ZNF558: variants seen among roughly 807,000 people sequenced by gnomAD.
ZNF558 encodes zinc finger protein 558.
Under a neutral mutation model 37.6 loss-of-function variants are expected in ZNF558, and 23 were observed. The ratio of observed to expected loss-of-function variants is 0.61; its 90% CI spans 0.44 to 0.87. The LOEUF is 0.87. ZNF558 is among the 40% of genes least tolerant of loss of function. The pLI is 0.00. For missense variants in ZNF558, 429 were observed against 483.7 expected (o/e 0.89, Z 1.06); for synonymous variants, 189 against 174.4 (o/e 1.08, Z -0.66).
chr19:8,822,544 C>G lies in ZNF558; in HGVS notation c.31+85G>C. ...GGGCTCCACTCCTGCCTCACCTGCT[C>G]TGCCCAACCCCGCTCGTGTCCCATG... On this transcript the variant is annotated intron_variant, in intron 5 of 9. Coordinates refer to ENST00000601372, the MANE Select transcript of ZNF558 (RefSeq NM_144693.3). The surrounding 1 kb of genome is among the most constrained non-coding windows in gnomAD (Gnocchi z 4.4). 1 of 1,594,664 alleles carries G rather than the reference C, an allele frequency of 6.3e-7. No homozygotes were observed. Among genetic ancestry groups the G allele is most frequent in the South Asian group, 1.1e-5 (1 of 90,336 alleles).
Position 8,807,199 on chromosome 19 carries a change from G to A in ZNF558, c.*4082C>T, listed in dbSNP as rs2043710637. On this transcript the variant is annotated 3_prime_UTR_variant, in exon 10 of 10. Transcript: ENST00000601372. ...TGCTATCGCTGACTGACCTCTCTCAGCTCCTGGAATGCAGCCCTCTCCTCT... is the reference window on the plus strand; with the variant it reads ...TGCTATCGCTGACTGACCTCTCTCAACTCCTGGAATGCAGCCCTCTCCTCT... 1 of 152,290 alleles carries A rather than the reference G, an allele frequency of 6.6e-6. No homozygotes were observed. Among genetic ancestry groups the A allele is most frequent in the South Asian group, 2.1e-4 (1 of 4,832 alleles). 9.4% of individuals were successfully genotyped at this position (152,290 alleles called of 1,614,324 possible).
rs1311903326 is a variant in ZNF558 at position 8,810,640 on chromosome 19, T to C, written c.*641A>G. The C allele has an allele frequency of 6.6e-6, 1 of 152,302 alleles. No individual in the cohort carries two copies. Among genetic ancestry groups the C allele is most frequent in the African/African-American group, 2.4e-5 (1 of 41,474 alleles). The allele number at this position is 152,302 out of a possible 1,614,324, so 9.4% of individuals were successfully genotyped here. A position where few individuals can be genotyped will look rare whatever the true frequency, so the allele number is the denominator to read the frequency against. Reference sequence around the variant, plus strand: ...TGATTAGAGTAGAAGGATGATGTGCTGAGGGCTTTTCTTCATTAATTCCAT... The same window carrying C: ...TGATTAGAGTAGAAGGATGATGTGCCGAGGGCTTTTCTTCATTAATTCCAT... On this transcript the variant is annotated 3_prime_UTR_variant, in exon 10 of 10. Coordinates refer to ENST00000601372, the MANE Select transcript of ZNF558 (RefSeq NM_144693.3).
At chr19:8,832,129 G>A (rs1482263521) in intron 1 of ZNF558, 80 bp downstream of exon 1, 1 of 152,254 alleles carries the variant, frequency 6.6e-6, no homozygotes, top group African/African-American at 2.4e-5. Flanking sequence ...TCCCTGGAGG[G>A]ACGCAGGGCC....
rs547479993 is a variant in ZNF558, at chr19:8,813,299, T to C, written c.248-77A>G. On this transcript the variant is annotated intron_variant, in intron 7 of 9. Transcript: ENST00000601372. ...AAGTCCATGAAAGAAAGCCAACATT[T>C]ATGAAGATGGAAAAGTGTGACTTTA... is the stretch of plus-strand genomic sequence containing the variant. 1.3e-5 allele frequency: 15 copies of C among 1,127,692 alleles called. No individual in the cohort carries two copies. The African/African-American group carries it at 2.2e-4, about 16-fold the overall frequency. The allele number at this position is 1,127,692 out of a possible 1,614,324, so 69.9% of individuals were successfully genotyped here.
chr19:8,817,314 T>C (rs2043963329), intron 7 of ZNF558, among the ~76,000 whole-genome samples: 1 of 152,152 alleles, frequency 6.6e-6, no homozygotes, highest in Non-Finnish European at 1.5e-5. Context: ...ACGCATTCAG[T>C]AGAAAGCACA....
At chr19:8,821,948 G>T in intron 6 of ZNF558, 55 bp downstream of exon 6, 1 of 1,607,952 alleles carries the variant, frequency 6.2e-7, no homozygotes, top group Non-Finnish European at 8.5e-7. Flanking sequence ...AAGGTATCAA[G>T]TCCAACCTTC....
At chr19:8,818,205 G>C (rs1419924357) in intron 7 of ZNF558, among the ~76,000 whole-genome samples, 1 of 152,178 alleles carries the variant, frequency 6.6e-6, no homozygotes, top group Non-Finnish European at 1.5e-5. Context: ...TGAAATCCCA[G>C]CACTTTGGGA....
rs1311496527 is a variant in ZNF558 at position 8,813,235 on chromosome 19, A to C, written c.248-13T>G. The C allele has an allele frequency of 1.9e-6, 3 of 1,569,246 alleles. No individual in the cohort carries two copies. In the Admixed American group the frequency reaches 5.6e-5, roughly 29 times the overall value. On this transcript the variant is annotated splice_polypyrimidine_tract_variant and intron_variant, in intron 7 of 9. Transcript: ENST00000601372. ...TTAACACGACACCCTATTTATGGAA[A>C]CAATACACATGATATAGGTAACAGT...
chr19:8,818,313 G>A (rs183037497), intron 7 of ZNF558, among the ~76,000 whole-genome samples: 6 of 152,172 alleles, frequency 3.9e-5, no homozygotes, highest in East Asian at 1.9e-4. Context: ...TTAGCTGGGC[G>A]TGGTGGTGCG....
At chr19:8,833,322 G>A (rs1474036884), upstream of ZNF558, 1 of 152,198 alleles carries the variant, frequency 6.6e-6, no homozygotes, top group African/African-American at 2.4e-5. Flanking sequence ...GAGTTTAGGG[G>A]AGCAGGAGAG....
At chr19:8,835,840 T>A (rs1485338390), upstream of ZNF558, among the ~76,000 whole-genome samples, 2 of 152,210 alleles carry the variant, frequency 1.3e-5, no homozygotes, top group East Asian at 3.8e-4. Flanking sequence ...TTATTATTCA[T>A]CCATTAAACA....
Position 8,809,219 on chromosome 19 carries a change from C to T in ZNF558, c.*2062G>A, listed in dbSNP as rs1258241257. ...TTCTGTCATTGTGGTCAAAAAGAAGCTCTTCAAACTCTAGACCTTGAGGCC... is the reference window on the plus strand; with the variant it reads ...TTCTGTCATTGTGGTCAAAAAGAAGTTCTTCAAACTCTAGACCTTGAGGCC... On this transcript the variant is annotated 3_prime_UTR_variant, in exon 10 of 10. Transcript: ENST00000601372. 1 of 152,154 alleles carries T rather than the reference C, an allele frequency of 6.6e-6. No homozygotes were observed. The highest frequency in any genetic ancestry group is 1.9e-4 in the East Asian group (1 of 5,198). The allele number at this position is 152,154 out of a possible 1,614,324, so 9.4% of individuals were successfully genotyped here.
In ZNF558 at chr19:8,806,194, G is replaced by A. The variant is rs2043702638; in HGVS notation, c.*5087C>T. On this transcript the variant is annotated 3_prime_UTR_variant, in exon 10 of 10. Coordinates refer to ENST00000601372, the MANE Select transcript of ZNF558 (RefSeq NM_144693.3). ...GTGTTTTTAAAAGCATTTTATTTTG[G>A]AAAGTTTAGATATACATAAAAGTTG... 6.6e-6 allele frequency: 1 copy of A among 152,070 alleles called. No homozygotes were observed. The highest frequency in any genetic ancestry group is 1.5e-5 in the Non-Finnish European group (1 of 68,018). 9.4% of individuals were successfully genotyped at this position (152,070 alleles called of 1,614,324 possible).
rs567007993 is a variant in ZNF558, at chr19:8,811,215, C to T, written c.*66G>A. 10 of 1,453,890 alleles carry T rather than the reference C, an allele frequency of 6.9e-6. No individual in the cohort carries two copies. The highest frequency in any genetic ancestry group is 1.4e-5 in the South Asian group (1 of 70,740). 90.1% of individuals were successfully genotyped at this position (1,453,890 alleles called of 1,614,324 possible). A position where few individuals can be genotyped will look rare whatever the true frequency, so the allele number is the denominator to read the frequency against. On this transcript the variant is annotated 3_prime_UTR_variant, in exon 10 of 10. Transcript: ENST00000601372. ...AAATAACTTATATATCCAGTGTGAG[C>T]TCTCTCAAACTATCTTAGGGATGAA...
chr19:8,821,737 C>T lies in ZNF558; in HGVS notation c.120+266G>A, dbSNP rs2044097253. The T allele has an allele frequency of 3.0e-6, 4 of 1,326,008 alleles. No homozygotes were observed. The African/African-American group carries it at 4.4e-5, about 15-fold the overall frequency. 82.1% of individuals were successfully genotyped at this position (1,326,008 alleles called of 1,614,324 possible). ...GTTTATTAATTGCTTGGGTTTAGAA[C>T]ATCATCACGTCTTTACTTGGCTTTC... On this transcript the variant is annotated intron_variant, in intron 6 of 9. Transcript: ENST00000601372.
At position 8,811,940 on chromosome 19, in the gene ZNF558, G is replaced by A. The variant is rs371672174; in HGVS notation, c.550C>T (p.Gln184Ter). Residue 184 changes from glutamine (Q) to a stop codon, truncating the protein, a stop_gained, in exon 10 of 10, where the codon CAA becomes TAA. Transcript: ENST00000601372. LOFTEE classifies it high-confidence loss of function. The part of the protein sequence containing the change: ...HTGEKPYDCS[Q>*]CGKSFSSRSY... Reference sequence around the variant, plus strand: ...CTGCTACTGAAGGACTTCCCACATTGACTACAGTCATAGGGTTTTTCTCCA... The same window carrying A: ...CTGCTACTGAAGGACTTCCCACATTAACTACAGTCATAGGGTTTTTCTCCA... The A allele has an allele frequency of 2.5e-6, 4 of 1,613,836 alleles. No homozygotes were observed. The highest frequency in any genetic ancestry group is 3.4e-6 in the Non-Finnish European group (4 of 1,179,984).
the ZNF558 span, among the ~76,000 whole-genome samples, chr19:8,837,516 G>A: frequency 1.4e-4 from 22 of 152,140 alleles, no homozygotes; most frequent in East Asian, 7.7e-4. Context: ...TCCAGGGCTC[G>A]ACAACCACTT....
upstream of ZNF558, among the ~76,000 whole-genome samples, chr19:8,834,198 G>A (rs1184011875): frequency 2.6e-5 from 4 of 152,226 alleles, no homozygotes; most frequent in Non-Finnish European, 5.9e-5. Flanking sequence ...TCAGGTGGCT[G>A]AAGGAAGTTT....
chr19:8,811,932 C>T lies in ZNF558; in HGVS notation c.558G>A (p.Gly186=). 1 of 1,614,066 alleles carries T rather than the reference C, an allele frequency of 6.2e-7. No individual in the cohort carries two copies. Among genetic ancestry groups the T allele is most frequent in the South Asian group, 1.1e-5 (1 of 91,074 alleles). Residue 186 remains glycine, a synonymous_variant, in exon 10 of 10, where the codon GGG becomes GGA. Transcript: ENST00000601372. ...GGTAAGATCTGCTACTGAAGGACTT[C>T]CCACATTGACTACAGTCATAGGGTT... ...GEKPYDCSQC[G]KSFSSRSYLT...
Sources: gnomAD v4.1 joint callset for allele counts (sites outside exome capture counted in the v4.1 genomes callset) on GRCh38, gnomAD v4.1.1 for gene constraint, Gnocchi (gnomAD v3.1) non-coding constraint, MANE v1.5 for transcripts, NCBI Gene and HGNC (gene_info 2026-07-23, HGNC 2026-07-21) for gene names.